CCDC102B: variants seen among roughly 807,000 people sequenced by gnomAD.
CCDC102B encodes coiled-coil domain-containing protein 102B.
In CCDC102B, 75 loss-of-function variants were observed where a neutral mutation model predicts 57.4. The ratio of observed to expected loss-of-function variants is 1.31; its 90% confidence interval spans 1.08 to 1.58. The LOEUF (loss-of-function observed/expected upper bound fraction) is 1.58. CCDC102B is among the 40% of genes most tolerant of loss of function. The pLI is 0.00. For synonymous variants in CCDC102B, 206 were observed against 201.9 expected (o/e 1.02, Z -0.17); for missense variants, 636 against 582.6 (o/e 1.09, Z -0.94).
At chr18:68,802,900 A>G (rs1036799669) in intron 1 of CCDC102B, among the ~76,000 whole-genome samples, 11 of 152,212 alleles carry the variant, frequency 7.2e-5, no homozygotes, top group African/African-American at 2.7e-4. Context: ...GTTCTCCCAA[A>G]TATCCTATCC....
intron 5 of CCDC102B, among the ~76,000 whole-genome samples, chr18:68,877,668 T>A (rs770885302): frequency 2.4e-4 from 37 of 152,234 alleles, no homozygotes; most frequent in Non-Finnish European, 1.8e-4. Flanking sequence ...AATTTTCTGT[T>A]TTACATGGGA....
In CCDC102B at chr18:68,942,101, C is replaced by T. The variant is rs553601271; in HGVS notation, c.1263+44673C>T. 5.3e-5 allele frequency among the ~76,000 whole-genome samples: 8 copies of T among 152,158 alleles called. No individual in the cohort carries two copies. The South Asian group carries it at 1.7e-3, about 32-fold the overall frequency. On this transcript the variant is annotated intron_variant, in intron 6 of 7. Transcript: ENST00000360242. ...ATTTTATAGGCATGAAATGGTTTTG[C>T]AGGCATAAAATTTAAGAGTCAGAAA...
chr18:69,010,198 TC>T (rs1381716415), intron 6 of CCDC102B, among the ~76,000 whole-genome samples: 2 of 146,098 alleles, frequency 1.4e-5, no homozygotes, highest in African/African-American at 2.5e-5. Flanking sequence ...TGCCTCGGCC[TC>T]CCAAAGTGCT....
intron 7 of CCDC102B, among the ~76,000 whole-genome samples, chr18:69,026,868 G>A (rs965628482): frequency 3.9e-5 from 6 of 152,124 alleles, no homozygotes; most frequent in South Asian, 2.1e-4. Flanking sequence ...AGGAGAATAC[G>A]TTTATAAAAA....
At chr18:68,874,869 G>A (rs541518283) in intron 5 of CCDC102B, 84 bp downstream of exon 5, 14 of 858,540 alleles carry the variant, frequency 1.6e-5, no homozygotes, top group South Asian at 3.1e-5. Flanking sequence ...GTAGGGTAAC[G>A]GTCGTGCCTT....
chr18:68,975,711 A>G (rs960414775), intron 6 of CCDC102B, among the ~76,000 whole-genome samples: 1 of 151,968 alleles, frequency 6.6e-6, no homozygotes, highest in Non-Finnish European at 1.5e-5. Context: ...ATTGTTACCT[A>G]ATGATTTTGT....
Position 68,936,957 on chromosome 18 carries a change from G to T in CCDC102B, c.1263+39529G>T, listed in dbSNP as rs73463867. On this transcript the variant is annotated intron_variant, in intron 6 of 7. Transcript: ENST00000360242. The stretch of plus-strand genomic sequence containing the variant: ...TAAAGACCCTACAGGAAACAAAGTA[G>T]TGAATACTGAATAAATGCTTCTAGG... Among the ~76,000 whole-genome samples, 829 of 152,008 alleles carry T rather than the reference G, an allele frequency of 5.5e-3. 5 individuals are homozygous for T. The highest frequency in any genetic ancestry group is 0.019 in the African/African-American group (771 of 41,482).
chr18:69,046,870 C>T (rs114498462), intron 7 of CCDC102B, among the ~76,000 whole-genome samples: 3,078 of 152,064 alleles, frequency 0.02, 95 homozygotes, highest in African/African-American at 0.069. Context: ...TCCCGTTGCT[C>T]ATTTTTGTCA....
intron 1 of CCDC102B, among the ~76,000 whole-genome samples, chr18:68,818,905 G>A (rs1319300): frequency 0.43 from 65,652 of 151,800 alleles, 15,484 homozygotes; most frequent in East Asian, 0.86. Context: ...GATTATTGCC[G>A]GTGTGCATAT....
rs751414522 is a variant in CCDC102B, at chr18:68,846,876, A to C, written c.936+455A>C. Among the ~76,000 whole-genome samples, 91 of 151,786 alleles carry C rather than the reference A, an allele frequency of 6.0e-4. 1 individual carries two copies. Among genetic ancestry groups the C allele is most frequent in the Non-Finnish European group, 1.6e-4 (11 of 67,772 alleles). ...TGAAGCAGCCTGATAATATCAATTT[A>C]TCTCAGGCATATTGAGGTTCTTTTC... is the stretch of plus-strand genomic sequence containing the variant. On this transcript the variant is annotated intron_variant, in intron 4 of 7. Coordinates refer to ENST00000360242, the MANE Select transcript of CCDC102B (RefSeq NM_024781.3).
chr18:69,002,949 C>T (rs865913072), intron 6 of CCDC102B, among the ~76,000 whole-genome samples: 6 of 152,128 alleles, frequency 3.9e-5, no homozygotes, highest in Non-Finnish European at 7.4e-5. Flanking sequence ...AGTTCTCCCA[C>T]CTACCTGCAA....
intron 4 of CCDC102B, among the ~76,000 whole-genome samples, chr18:68,865,877 A>G (rs78826227): frequency 0.12 from 17,551 of 152,218 alleles, 1,211 homozygotes; most frequent in Admixed American, 0.16. Flanking sequence ...TTAGTTAAAA[A>G]TGTGGCTTTG....
upstream of CCDC102B, among the ~76,000 whole-genome samples, chr18:68,795,775 G>T (rs190453922): frequency 1.9e-3 from 290 of 152,272 alleles, 3 homozygotes; most frequent in Non-Finnish European, 3.1e-3. Context: ...AGGAAGTTAG[G>T]ATTTCAATAT....
chr18:68,866,927 T>G (rs916225805), intron 4 of CCDC102B: 21 of 536,824 alleles, frequency 3.9e-5, no homozygotes, highest in African/African-American at 3.9e-4. Context: ...ACCCTTGATG[T>G]GGTACCCGGG....
chr18:68,810,561 C>T (rs2036204726), intron 1 of CCDC102B, among the ~76,000 whole-genome samples: 1 of 151,876 alleles, frequency 6.6e-6, no homozygotes, highest in African/African-American at 2.4e-5. Flanking sequence ...GAATGATTCC[C>T]GAATGCTGGT....
intron 6 of CCDC102B, among the ~76,000 whole-genome samples, chr18:68,969,905 C>T (rs1374609245): frequency 6.6e-6 from 1 of 151,624 alleles, no homozygotes; most frequent in East Asian, 1.9e-4. Context: ...ACTTAGTTGC[C>T]CAAAAGTAAA....
intron 6 of CCDC102B, among the ~76,000 whole-genome samples, chr18:68,975,560 T>C (rs1434771716): frequency 1.3e-5 from 2 of 152,024 alleles, no homozygotes; most frequent in East Asian, 3.9e-4. Context: ...GCATATTTGT[T>C]GTATTAACGG....
At chr18:68,896,467 T>A (rs1193337915) in intron 5 of CCDC102B, among the ~76,000 whole-genome samples, 1 of 151,912 alleles carries the variant, frequency 6.6e-6, no homozygotes, top group Non-Finnish European at 1.5e-5. Context: ...AAAACTTTAG[T>A]GTAAAGGACC....
chr18:69,032,893 A>G (rs1307555264), intron 7 of CCDC102B, among the ~76,000 whole-genome samples: 2 of 152,116 alleles, frequency 1.3e-5, no homozygotes, highest in African/African-American at 4.8e-5. Context: ...CAGACAAGAG[A>G]AGAAAAAAAA....
Sources: allele counts gnomAD v4.1 joint callset (sites outside exome capture counted in the v4.1 genomes callset), GRCh38; gene constraint gnomAD v4.1.1; transcripts MANE v1.5; gene names NCBI Gene and HGNC (gene_info 2026-07-23, HGNC 2026-07-21).